The following ITPR3 variants were observed in gnomAD, a reference collection of about 807,000 sequenced individuals.
ITPR3 encodes inositol 1,4,5-trisphosphate receptor type 3, also known as inositol 1,4,5-trisphosphate-gated calcium channel ITPR3.
ITPR3 carries 173 observed loss-of-function variants against 293.2 expected under a neutral mutation model. The ratio of observed to expected loss-of-function variants is 0.59; its 90% confidence interval spans 0.52 to 0.67. The LOEUF (loss-of-function observed/expected upper bound fraction) is 0.67. Ranked by LOEUF, ITPR3 falls within the 30% of genes least tolerant of loss-of-function variation. The pLI, the probability that ITPR3 is intolerant of heterozygous loss-of-function variation, is 0.00. For missense variants in ITPR3, 2,796 were observed against 3,592.1 expected (o/e 0.78, Z 5.66); for synonymous variants, 1,295 against 1,444.4 (o/e 0.90, Z 2.35).
At chr6:33,671,928 TAAAC>T in intron 21 of ITPR3, 97 bp from the exon 22 acceptor site, 1 of 1,170,052 alleles carries the variant, frequency 8.5e-7, no homozygotes, top group Non-Finnish European at 1.2e-6. Flanking sequence ...GCAGCTGACA[TAAAC>T]AGATTATGCA....
At chr6:33,694,104 T>C (rs1367328510) in intron 56 of ITPR3, among the ~76,000 whole-genome samples, 1 of 152,092 alleles carries the variant, frequency 6.6e-6, no homozygotes, top group African/African-American at 2.4e-5. Context: ...GCCAGTGATC[T>C]GTGGGCCGCT....
At chr6:33,659,241 G>A in intron 6 of ITPR3, 122 bp downstream of exon 6, 1 of 975,628 alleles carries the variant, frequency 1.0e-6, no homozygotes, top group Non-Finnish European at 1.6e-6. Flanking sequence ...GGACAAGCTG[G>A]GCCTCACGGC....
At position 33,688,040 on chromosome 6, in the gene ITPR3, G is replaced by C. The variant is rs112402155; in HGVS notation, c.6265-17G>C. ...GTGGAGGCTGGGGCCTGACCTCCGC[G>C]CCCTCCCCACCTCCAGCTCAGCCTC... On this transcript the variant is annotated splice_polypyrimidine_tract_variant and intron_variant, in intron 46 of 57. Transcript: ENST00000605930. 2.5e-6 allele frequency: 4 copies of C among 1,603,990 alleles called. No homozygotes were observed. The African/African-American group carries it at 4.0e-5, about 16-fold the overall frequency.
chr6:33,667,346 C>G lies in ITPR3; in HGVS notation c.1713+56C>G. ...GGCTGCACGTTCCTTCCTCAGCAAGCGATTTCCTCAGGCACATGTGCTGTG... is the reference window on the plus strand; with the variant it reads ...GGCTGCACGTTCCTTCCTCAGCAAGGGATTTCCTCAGGCACATGTGCTGTG... On this transcript the variant is annotated intron_variant, in intron 15 of 57. Coordinates refer to ENST00000605930, the MANE Select transcript of ITPR3 (RefSeq NM_002224.4). The surrounding 1 kb of genome is among the most constrained non-coding windows in gnomAD (Gnocchi z 4.4). The G allele has an allele frequency of 1.3e-6, 2 of 1,564,454 alleles. No individual in the cohort carries two copies. The highest frequency in any genetic ancestry group is 1.7e-6 in the Non-Finnish European group (2 of 1,154,738).
At chr6:33,630,323 A>G (rs1393965013) in intron 1 of ITPR3, among the ~76,000 whole-genome samples, 1 of 152,208 alleles carries the variant, frequency 6.6e-6, no homozygotes, top group Non-Finnish European at 1.5e-5. Context: ...GTTTGGAGCC[A>G]GGGCGAGTTG....
Position 33,690,019 on chromosome 6 carries a change from T to C in ITPR3, c.6868-15T>C. ...TGGTAGGGTGCTGACTCTCATGCCT[T>C]GCACTCGCCCCCAGCTGACCAACAA... is the stretch of plus-strand genomic sequence containing the variant. On this transcript the variant is annotated splice_polypyrimidine_tract_variant and intron_variant, in intron 50 of 57. Transcript: ENST00000605930. 1.2e-6 allele frequency: 2 copies of C among 1,614,124 alleles called. No individual in the cohort carries two copies. Among genetic ancestry groups the C allele is most frequent in the Non-Finnish European group, 1.7e-6 (2 of 1,179,984 alleles).
In ITPR3 at chr6:33,670,562, C is replaced by A; in HGVS notation, c.2427C>A (p.Ala809=). ...FARLWTEIPT[A]ITIKDYDSNL... ...GTCTCTGGACTGAGATCCCCACAGC[C>A]ATCACCATCAAGGAGTGAGAGGGGT... Residue 809 remains alanine (A), a synonymous_variant, in exon 19 of 58, where the codon GCC becomes GCA. Transcript: ENST00000605930. This position sits in a 1 kb window ranked among gnomAD's most constrained non-coding sequence, Gnocchi z 6.7. 7.1e-7 allele frequency: 1 copy of A among 1,412,726 alleles called. No individual in the cohort carries two copies. The highest frequency in any genetic ancestry group is 9.5e-7 in the Non-Finnish European group (1 of 1,050,956). The allele number at this position is 1,412,726 out of a possible 1,614,324, so 87.5% of individuals were successfully genotyped here.
At position 33,654,727 on chromosome 6, in the gene ITPR3, G is replaced by A. The variant is rs115455196; in HGVS notation, c.161-1039G>A. ...CACTGCCAGAGCATTGTACAATCAG[G>A]GACTCACACAGCTGCAGCATGAGAG... On this transcript the variant is annotated intron_variant, in intron 2 of 57. Transcript: ENST00000605930. This position sits in a 1 kb window ranked among gnomAD's most constrained non-coding sequence, Gnocchi z 4.1. Among the ~76,000 whole-genome samples, 550 of 152,230 alleles carry A rather than the reference G, an allele frequency of 3.6e-3. 1 individual carries two copies. The highest frequency in any genetic ancestry group is 0.012 in the African/African-American group (516 of 41,518).
chr6:33,654,106 A>G lies in ITPR3; in HGVS notation c.161-1660A>G, dbSNP rs1474115026. 2.0e-5 allele frequency among the ~76,000 whole-genome samples: 3 copies of G among 152,124 alleles called. No homozygotes were observed. In the East Asian group the frequency reaches 5.8e-4, roughly 29 times the overall value. ...AATATGGCGAAACCCCGTCTCTACT[A>G]AAAATACAAAAATTAGCCAGGCATG... On this transcript the variant is annotated intron_variant, in intron 2 of 57. Coordinates refer to ENST00000605930, the MANE Select transcript of ITPR3 (RefSeq NM_002224.4). This position sits in a 1 kb window ranked among gnomAD's most constrained non-coding sequence, Gnocchi z 4.1.
chr6:33,655,827 C>CA lies in ITPR3; in HGVS notation c.224dup (p.Gln76AlafsTer3). On this transcript the variant is annotated frameshift_variant, in exon 3 of 58. Transcript: ENST00000605930. LOFTEE classifies it high-confidence loss of function. The surrounding 1 kb of genome is among the most constrained non-coding windows in gnomAD (Gnocchi z 4.9). ...CGGCCCAGAAGCAGTACTGGAAGGC[C>CA]AAGCAGACTAAGCAGGACAAGGAGA... 1 of 1,614,100 alleles carries CA rather than the reference C, an allele frequency of 6.2e-7. No individual in the cohort carries two copies. Among genetic ancestry groups the CA allele is most frequent in the Admixed American group, 1.7e-5 (1 of 60,022 alleles).
chr6:33,661,558 G>A (rs779334879), intron 7 of ITPR3, among the ~76,000 whole-genome samples: 4 of 152,202 alleles, frequency 2.6e-5, no homozygotes, highest in Non-Finnish European at 5.9e-5. Context: ...GCTGGCACGC[G>A]GTAAGTGTGC....
At position 33,658,597 on chromosome 6, in the gene ITPR3, C is replaced by T. The variant is rs1764371683; in HGVS notation, c.370-73C>T. The T allele has an allele frequency of 1.3e-6, 2 of 1,510,716 alleles. No individual in the cohort carries two copies. Among genetic ancestry groups the T allele is most frequent in the East Asian group, 2.3e-5 (1 of 44,166 alleles). 93.6% of individuals were successfully genotyped at this position (1,510,716 alleles called of 1,614,324 possible). ...GAATGTGACCAAGGGTCTAGGGGAT[C>T]CCCCCATATCCCCTCCCTAATGGGC... On this transcript the variant is annotated intron_variant, in intron 4 of 57. Transcript: ENST00000605930. The surrounding 1 kb of genome is among the most constrained non-coding windows in gnomAD (Gnocchi z 6.1).
chr6:33,649,867 T>C (rs1764148414), intron 2 of ITPR3, among the ~76,000 whole-genome samples: 1 of 152,104 alleles, frequency 6.6e-6, no homozygotes, highest in Non-Finnish European at 1.5e-5. Context: ...TTGTGTATTT[T>C]AAAGCTATCC....
At position 33,670,234 on chromosome 6, in the gene ITPR3, C is replaced by T. The variant is rs1764718554; in HGVS notation, c.2190-91C>T. The T allele has an allele frequency of 2.8e-6, 4 of 1,421,960 alleles. No individual in the cohort carries two copies. Among genetic ancestry groups the T allele is most frequent in the Non-Finnish European group, 3.9e-6 (4 of 1,023,054 alleles). 88.1% of individuals were successfully genotyped at this position (1,421,960 alleles called of 1,614,324 possible). On this transcript the variant is annotated intron_variant, in intron 18 of 57. Transcript: ENST00000605930. The surrounding 1 kb of genome is among the most constrained non-coding windows in gnomAD (Gnocchi z 6.7). ...CATCTTTAACCTAATCCCTTTGCCACTTTACTGAGTCCTCACCAAGTCTAG... is the reference window on the plus strand; with the variant it reads ...CATCTTTAACCTAATCCCTTTGCCATTTTACTGAGTCCTCACCAAGTCTAG...
chr6:33,680,283 G>A, intron 31 of ITPR3, 46 bp from the exon 32 acceptor site: 2 of 1,587,860 alleles, frequency 1.3e-6, no homozygotes, highest in Admixed American at 1.7e-5. Context: ...GGAGAGCCTG[G>A]CCAGGCGGCC....
Position 33,683,099 on chromosome 6 carries a change from CT to C in ITPR3, c.4598-106del. 1.2e-6 allele frequency: 1 copy of C among 805,450 alleles called. No homozygotes were observed. Among genetic ancestry groups the C allele is most frequent in the Non-Finnish European group, 1.8e-6 (1 of 543,730 alleles). The allele number at this position is 805,450 out of a possible 1,614,324, so 49.9% of individuals were successfully genotyped here. On this transcript the variant is annotated intron_variant, in intron 34 of 57. Transcript: ENST00000605930. The surrounding 1 kb of genome is among the most constrained non-coding windows in gnomAD (Gnocchi z 4.5). ...GGGGGGGGTCTCTGTCTCCCAGACC[CT>C]TGGTCTAGTTCACTCTGTCTCCTGG... is the stretch of plus-strand genomic sequence containing the variant.
chr6:33,670,138 G>A lies in ITPR3; in HGVS notation c.2190-187G>A, dbSNP rs1290843964. 6.6e-6 allele frequency among the ~76,000 whole-genome samples: 1 copy of A among 152,202 alleles called. No homozygotes were observed. The highest frequency in any genetic ancestry group is 1.5e-5 in the Non-Finnish European group (1 of 68,042). ...CTGGCTGAGCCTTAGCCAGGAGGGGGAGAATTGCAAGTACTGGTTATCACA... is the reference window on the plus strand; with the variant it reads ...CTGGCTGAGCCTTAGCCAGGAGGGGAAGAATTGCAAGTACTGGTTATCACA... On this transcript the variant is annotated intron_variant, in intron 18 of 57. Coordinates refer to ENST00000605930, the MANE Select transcript of ITPR3 (RefSeq NM_002224.4). This position sits in a 1 kb window ranked among gnomAD's most constrained non-coding sequence, Gnocchi z 6.7.
chr6:33,631,318 G>C (rs952239100), intron 1 of ITPR3, among the ~76,000 whole-genome samples: 1 of 152,212 alleles, frequency 6.6e-6, no homozygotes, highest in African/African-American at 2.4e-5. Context: ...TGAACGGCTG[G>C]GGTCACTGAT....
chr6:33,675,828 G>T lies in ITPR3; in HGVS notation c.3254G>T (p.Arg1085Leu), dbSNP rs1232758322. The T allele has an allele frequency of 2.5e-6, 4 of 1,580,144 alleles. No individual in the cohort carries two copies. The highest frequency in any genetic ancestry group is 1.8e-5 in the Admixed American group (1 of 54,912). Residue 1085 changes from arginine (R) to leucine (L), a missense_variant, in exon 25 of 58, where the codon CGC (arginine) becomes CTC (leucine). By Grantham distance (102) the Arg-to-Leu change is moderately radical. Transcript: ENST00000605930. This position sits in a 1 kb window ranked among gnomAD's most constrained non-coding sequence, Gnocchi z 5.0. ...LQLLFKHFSQ[R>L]QEAMHTFKQV... The stretch of plus-strand genomic sequence containing the variant: ...CTGCTCTTCAAGCACTTCAGCCAGC[G>T]CCAGGAGGCCATGCACACCTTCAAG...
Sources: gnomAD v4.1 joint callset for allele counts (sites outside exome capture counted in the v4.1 genomes callset) on GRCh38, gnomAD v4.1.1 for gene constraint, Gnocchi (gnomAD v3.1) non-coding constraint, MANE v1.5 for transcripts, NCBI Gene and HGNC (gene_info 2026-07-23, HGNC 2026-07-21) for gene names.